The following AP4E1 variants were observed in gnomAD, a reference collection of about 807,000 sequenced individuals.
AP4E1 encodes adaptor related protein complex 4 subunit epsilon 1.
A neutral mutation model predicts 128.2 loss-of-function variants in AP4E1; 56 were observed. The observed-to-expected ratio is 0.44, with a 90% CI of 0.35 to 0.55. The LOEUF (loss-of-function observed/expected upper bound fraction) is 0.55. Ranked by LOEUF, AP4E1 falls within the 20% of genes least tolerant of loss-of-function variation. The pLI is 0.00. For synonymous variants in AP4E1, 484 were observed against 473.1 expected, an observed-to-expected ratio of 1.02 and a Z score of -0.30; for missense variants, 1,324 against 1,307.7, an observed-to-expected ratio of 1.01 and a Z score of -0.19.
chr15:50,929,408 A>G (rs2063805443), intron 6 of AP4E1, among the ~76,000 whole-genome samples: 1 of 149,172 alleles, frequency 6.7e-6, no homozygotes, highest in Non-Finnish European at 1.5e-5. Context: ...GTGTGGAAAA[A>G]TGGTATCAGT....
At chr15:50,989,873 A>T (rs548316796) in intron 16 of AP4E1, among the ~76,000 whole-genome samples, 2 of 152,294 alleles carry the variant, frequency 1.3e-5, no homozygotes, top group East Asian at 3.9e-4. Flanking sequence ...TAAGGGATGA[A>T]TTTAAAATTT....
rs755119255 is a variant in AP4E1 at position 50,908,788 on chromosome 15, A to G, written c.10A>G (p.Ile4Val). 22 of 1,588,688 alleles carry G rather than the reference A, an allele frequency of 1.4e-5. No homozygotes were observed. Among genetic ancestry groups the G allele is most frequent in the South Asian group, 4.5e-5 (4 of 88,128 alleles). MSD[I>V]VEKTLTALPG... ...GCGGGCGGCGGCGGCGATGAGCGACATAGTGGAGAAGACGCTGACGGCGCT... is the reference window on the plus strand; with the variant it reads ...GCGGGCGGCGGCGGCGATGAGCGACGTAGTGGAGAAGACGCTGACGGCGCT... Residue 4 changes from isoleucine (I) to valine (V), a missense_variant, in exon 1 of 21, where the codon ATA becomes GTA. Coordinates refer to ENST00000261842, the MANE Select transcript of AP4E1 (RefSeq NM_007347.5).
Position 50,968,218 on chromosome 15 carries a change from G to C in AP4E1, c.1852-45G>C. On this transcript the variant is annotated intron_variant, in intron 14 of 20. Transcript: ENST00000261842. Reference sequence around the variant, plus strand: ...TTTATGTGACTATATAATCTACTTAGGATAAATTTATTTAATTCCTAATTT... The same window carrying C: ...TTTATGTGACTATATAATCTACTTACGATAAATTTATTTAATTCCTAATTT... 2.4e-6 allele frequency: 3 copies of C among 1,261,382 alleles called. No individual in the cohort carries two copies. In the African/African-American group the frequency reaches 4.5e-5, roughly 19 times the overall value. The allele number at this position is 1,261,382 out of a possible 1,614,324, so 78.1% of individuals were successfully genotyped here.
chr15:50,972,138 A>G (rs2064487283), intron 15 of AP4E1, among the ~76,000 whole-genome samples: 1 of 152,140 alleles, frequency 6.6e-6, no homozygotes, highest in African/African-American at 2.4e-5. Context: ...TCTTATTTGT[A>G]TAAATGTTCA....
chr15:50,981,056 C>T (rs917310522), intron 15 of AP4E1, among the ~76,000 whole-genome samples: 1 of 152,170 alleles, frequency 6.6e-6, no homozygotes, highest in Admixed American at 6.5e-5. Flanking sequence ...AGAGTCCCCA[C>T]CAGGGCAGTG....
Position 50,993,471 on chromosome 15 carries a change from C to T in AP4E1, c.2192C>T (p.Pro731Leu). Residue 731 changes from proline to leucine, a missense_variant, in exon 17 of 21, where the codon CCT (proline) becomes CTT (leucine). Transcript: ENST00000261842. ...ACTGGTGATGAAAGTGGAGCTCTGC[C>T]TGTTCCTCAAGAGAGTATAATGGAG... ...SKTGDESGAL[P>L]VPQESIMENV... 1 of 1,613,958 alleles carries T rather than the reference C, an allele frequency of 6.2e-7. No individual in the cohort carries two copies. The highest frequency in any genetic ancestry group is 8.5e-7 in the Non-Finnish European group (1 of 1,179,974).
chr15:50,975,293 T>A (rs1225405159), intron 15 of AP4E1, among the ~76,000 whole-genome samples: 1 of 152,148 alleles, frequency 6.6e-6, no homozygotes, highest in East Asian at 1.9e-4. Context: ...TAATGCCAGC[T>A]ACTTGAGAGG....
At chr15:50,979,251 C>T (rs940836950) in intron 15 of AP4E1, among the ~76,000 whole-genome samples, 1 of 152,126 alleles carries the variant, frequency 6.6e-6, no homozygotes, top group Non-Finnish European at 1.5e-5. Flanking sequence ...ATATGTTTGT[C>T]AAAACCCGTA....
At chr15:50,977,521 T>C (rs561625541) in intron 15 of AP4E1, among the ~76,000 whole-genome samples, 2 of 152,000 alleles carry the variant, frequency 1.3e-5, no homozygotes, top group Non-Finnish European at 2.9e-5. Flanking sequence ...GAGACTGTTA[T>C]AGAAAAGGAA....
At chr15:50,995,643 C>T (rs2064858927) in intron 17 of AP4E1, among the ~76,000 whole-genome samples, 1 of 152,090 alleles carries the variant, frequency 6.6e-6, no homozygotes. Flanking sequence ...CCCTTGGCCT[C>T]CCAAAGTGTT....
At chr15:50,909,019 C>T in intron 1 of AP4E1, 91 bp downstream of exon 1, 1 of 1,565,426 alleles carries the variant, frequency 6.4e-7, no homozygotes, top group Non-Finnish European at 8.6e-7. Flanking sequence ...TTCAGGGCCT[C>T]TGGGGTTAGC....
At chr15:50,945,236 G>A (rs2064041933) in intron 10 of AP4E1, 5 of 788,664 alleles carry the variant, frequency 6.3e-6, no homozygotes, top group Admixed American at 1.7e-5. Context: ...TATGTTCAAT[G>A]ACCTGGGGAT....
intron 6 of AP4E1, among the ~76,000 whole-genome samples, chr15:50,929,713 G>A (rs867697723): frequency 9.9e-5 from 15 of 152,012 alleles, no homozygotes; most frequent in African/African-American, 2.7e-4. Flanking sequence ...AGATTTCATG[G>A]CACCTACTAT....
chr15:50,917,765 C>CCTG (rs1354338260), intron 3 of AP4E1, among the ~76,000 whole-genome samples: 1 of 152,156 alleles, frequency 6.6e-6, no homozygotes, highest in East Asian at 1.9e-4. Context: ...TTTGAGGATC[C>CCTG]CTGCAATGAC....
At position 50,997,340 on chromosome 15, in the gene AP4E1, T is replaced by C. The variant is rs763828975; in HGVS notation, c.2361T>C (p.Asp787=). 2 of 1,598,352 alleles carry C rather than the reference T, an allele frequency of 1.3e-6. No individual in the cohort carries two copies. The highest frequency in any genetic ancestry group is 1.4e-5 in the African/African-American group (1 of 73,776). Residue 787 remains aspartate, a synonymous_variant, in exon 18 of 21, where the codon GAT becomes GAC. Coordinates refer to ENST00000261842, the MANE Select transcript of AP4E1 (RefSeq NM_007347.5). ...TATTTTTGCAGCTGGGAAAAGCAGATACTGTCTCTCACAAGTTCAGAAGGA... is the reference window on the plus strand; with the variant it reads ...TATTTTTGCAGCTGGGAAAAGCAGACACTGTCTCTCACAAGTTCAGAAGGA... The part of the protein sequence containing the change: ...ESTINLLGKA[D]TVSHKFRRKS...
chr15:50,997,908 T>G (rs755153787), intron 18 of AP4E1, 25 bp downstream of exon 18: 18 of 1,541,574 alleles, frequency 1.2e-5, no homozygotes, highest in Non-Finnish European at 1.6e-5. Context: ...TATTATTGTT[T>G]TATTTTCAGT....
intron 15 of AP4E1, among the ~76,000 whole-genome samples, chr15:50,974,516 C>G (rs2064526143): frequency 6.6e-6 from 1 of 152,036 alleles, no homozygotes; most frequent in Admixed American, 6.6e-5. Context: ...ATCCTCCTAC[C>G]TTGACGTTGC....
chr15:50,922,322 A>T (rs1425923790), intron 3 of AP4E1, among the ~76,000 whole-genome samples: 1 of 151,578 alleles, frequency 6.6e-6, no homozygotes, highest in Non-Finnish European at 1.5e-5. Context: ...ATGGAGTGAG[A>T]CTCTGTCTCA....
At chr15:50,969,659 TC>T (rs1478985133) in intron 15 of AP4E1, among the ~76,000 whole-genome samples, 1 of 146,108 alleles carries the variant, frequency 6.8e-6, no homozygotes, top group Non-Finnish European at 1.5e-5. Context: ...TCAATATCTT[TC>T]TTTTTTTTTT....
Sources: gnomAD v4.1 joint callset for allele counts (sites outside exome capture counted in the v4.1 genomes callset) on GRCh38, gnomAD v4.1.1 for gene constraint, MANE v1.5 for transcripts, NCBI Gene and HGNC (gene_info 2026-07-23, HGNC 2026-07-21) for gene names.